GALNTL6: variants seen among roughly 807,000 people sequenced by gnomAD.
GALNTL6 encodes the protein polypeptide N-acetylgalactosaminyltransferase like 6.
GALNTL6 carries 46 observed loss-of-function variants against 73.7 expected under a neutral mutation model. The ratio of observed to expected loss-of-function variants is 0.62; its 90% CI spans 0.49 to 0.80. GALNTL6 has a LOEUF of 0.80. Among genes scored for constraint, GALNTL6 ranks in the 30% least tolerant of loss-of-function variants. GALNTL6 has a pLI of 0.00. For missense variants in GALNTL6, 604 were observed against 755.0 expected, an observed-to-expected ratio of 0.80 and a Z score of 2.34; for synonymous variants, 259 against 263.7, an observed-to-expected ratio of 0.98 and a Z score of 0.17.
intron 5 of GALNTL6, among the ~76,000 whole-genome samples, chr4:172,372,693 C>T (rs1230170916): frequency 1.3e-5 from 2 of 152,142 alleles, no homozygotes; most frequent in African/African-American, 2.4e-5. Context: ...CTAGGGCCTG[C>T]TTTAAGGTTT....
intron 2 of GALNTL6, among the ~76,000 whole-genome samples, chr4:171,932,173 A>T (rs918098320): frequency 6.6e-6 from 1 of 152,192 alleles, no homozygotes; most frequent in African/African-American, 2.4e-5. Context: ...TGTGAAAACT[A>T]TAACTGCTTT....
chr4:172,973,269 G>A (rs1260103872), intron 10 of GALNTL6, among the ~76,000 whole-genome samples: 1 of 152,104 alleles, frequency 6.6e-6, no homozygotes, highest in Non-Finnish European at 1.5e-5. Context: ...ACACATTCTG[G>A]TATGATATGA....
At chr4:172,371,233 G>T (rs559725621) in intron 5 of GALNTL6, among the ~76,000 whole-genome samples, 12 of 152,212 alleles carry the variant, frequency 7.9e-5, no homozygotes, top group Admixed American at 7.2e-4. Context: ...ACCATCTATT[G>T]TCCTGTCCTG....
At chr4:172,303,722 A>G (rs1369658806) in intron 3 of GALNTL6, among the ~76,000 whole-genome samples, 1 of 152,140 alleles carries the variant, frequency 6.6e-6, no homozygotes, top group East Asian at 1.9e-4. Flanking sequence ...ACTCCCTAAT[A>G]CAATACCATT....
chr4:172,469,369 A>G (rs976922995), intron 5 of GALNTL6, among the ~76,000 whole-genome samples: 4 of 152,008 alleles, frequency 2.6e-5, no homozygotes, highest in Non-Finnish European at 5.9e-5. Flanking sequence ...ACTCTGAGAG[A>G]TCAAAGTGGG....
intron 2 of GALNTL6, among the ~76,000 whole-genome samples, chr4:172,088,445 G>A (rs1367760099): frequency 1.3e-5 from 2 of 152,136 alleles, no homozygotes; most frequent in Non-Finnish European, 2.9e-5. Flanking sequence ...AACTCAATGT[G>A]GTACAGATGT....
chr4:172,219,015 T>C lies in GALNTL6; in HGVS notation c.139-10641T>C, dbSNP rs1050357499. Among the ~76,000 whole-genome samples the C allele has an allele frequency of 4.6e-5, 7 of 151,068 alleles. No homozygotes were observed. In the East Asian group the frequency reaches 1.4e-3, roughly 29 times the overall value. ...TATTTCCATTCTATAGATTAACAAATTGAGACCAGAATTTTTGTTCTTAAC... is the reference window on the plus strand; with the variant it reads ...TATTTCCATTCTATAGATTAACAAACTGAGACCAGAATTTTTGTTCTTAAC... On this transcript the variant is annotated intron_variant, in intron 2 of 12. Transcript: ENST00000506823.
chr4:172,054,541 A>T (rs1032214495), intron 2 of GALNTL6, among the ~76,000 whole-genome samples: 58 of 152,130 alleles, frequency 3.8e-4, no homozygotes, highest in Admixed American at 1.3e-4. Flanking sequence ...CCTAGTTCAT[A>T]GACCAGAGAT....
At chr4:172,031,430 A>G (rs1195090244) in intron 2 of GALNTL6, among the ~76,000 whole-genome samples, 1 of 152,122 alleles carries the variant, frequency 6.6e-6, no homozygotes, top group Admixed American at 6.6e-5. Flanking sequence ...TAAAAAATTT[A>G]TTGTCAATAG....
intron 2 of GALNTL6, among the ~76,000 whole-genome samples, chr4:172,073,353 AG>A (rs1731606458): frequency 1.2e-4 from 18 of 152,236 alleles, no homozygotes; most frequent in Admixed American, 1.2e-3. Flanking sequence ...TTCTAAGAAC[AG>A]TACCAGGCAT....
chr4:171,870,700 T>C (rs372428035), intron 2 of GALNTL6, among the ~76,000 whole-genome samples: 1 of 152,166 alleles, frequency 6.6e-6, no homozygotes, highest in Non-Finnish European at 1.5e-5. Flanking sequence ...TGGAGTAAGG[T>C]GGGTCACTAA....
At position 172,081,066 on chromosome 4, in the gene GALNTL6, C is replaced by T. The variant is rs1411558085; in HGVS notation, c.139-148590C>T. Among the ~76,000 whole-genome samples the T allele has an allele frequency of 1.3e-5, 2 of 152,046 alleles. 1 individual carries two copies. The highest frequency in any genetic ancestry group is 2.9e-5 in the Non-Finnish European group (2 of 68,022). ...TCACCTGGAGTACATTTTGAATGTA[C>T]TATGTTTAAATAACATATAGCACCC... On this transcript the variant is annotated intron_variant, in intron 2 of 12. Transcript: ENST00000506823.
intron 2 of GALNTL6, among the ~76,000 whole-genome samples, chr4:171,928,743 A>C (rs915102825): frequency 6.6e-6 from 1 of 152,176 alleles, no homozygotes. Context: ...ACTGTGCTCC[A>C]GTTGCCTACA....
intron 2 of GALNTL6, among the ~76,000 whole-genome samples, chr4:171,887,764 C>A (rs542880755): frequency 7.4e-4 from 113 of 152,192 alleles, no homozygotes; most frequent in African/African-American, 2.5e-3. Flanking sequence ...TCTTAACATG[C>A]AGCAGAAGCC....
intron 10 of GALNTL6, among the ~76,000 whole-genome samples, chr4:172,996,921 T>C (rs143861627): frequency 1.3e-5 from 2 of 152,286 alleles, no homozygotes; most frequent in African/African-American, 4.8e-5. Flanking sequence ...CTATTGCTAC[T>C]CCATGGTGCC....
intron 5 of GALNTL6, among the ~76,000 whole-genome samples, chr4:172,688,941 AT>A (rs568783356): frequency 1.6e-3 from 182 of 116,104 alleles, no homozygotes; most frequent in Non-Finnish European, 2.9e-3. Flanking sequence ...TGCACATCTC[AT>A]TTTTTCCCAA....
At chr4:172,085,937 G>A (rs1344111441) in intron 2 of GALNTL6, among the ~76,000 whole-genome samples, 1 of 152,050 alleles carries the variant, frequency 6.6e-6, no homozygotes, top group Non-Finnish European at 1.5e-5. Context: ...TTTGCACTCT[G>A]TAATCCTTAA....
intron 2 of GALNTL6, among the ~76,000 whole-genome samples, chr4:171,819,466 CAATT>C (rs1237630405): frequency 6.6e-6 from 1 of 152,124 alleles, no homozygotes; most frequent in African/African-American, 2.4e-5. Flanking sequence ...TGTGCTGAAT[CAATT>C]AGTTTCCTAT....
At chr4:172,142,913 T>C (rs1217151617) in intron 2 of GALNTL6, among the ~76,000 whole-genome samples, 1 of 152,072 alleles carries the variant, frequency 6.6e-6, no homozygotes, top group East Asian at 1.9e-4. Flanking sequence ...GTTGCCCTAT[T>C]CTACATTTTT....
Sources: allele counts gnomAD v4.1 joint callset (sites outside exome capture counted in the v4.1 genomes callset), GRCh38; gene constraint gnomAD v4.1.1; transcripts MANE v1.5; gene names NCBI Gene and HGNC (gene_info 2026-07-23, HGNC 2026-07-21).